GARIN2: variants seen among roughly 807,000 people sequenced by gnomAD.
The protein encoded by GARIN2 is Golgi-associated RAB2 interactor protein 2.
chr14:67,195,651 T>C, the GARIN2 span, among the ~76,000 whole-genome samples: 1 of 152,120 alleles, frequency 6.6e-6, no homozygotes, highest in Non-Finnish European at 1.5e-5. Context: ...ATATTATTAT[T>C]TTATGTGCCA....
the GARIN2 span, among the ~76,000 whole-genome samples, chr14:67,217,305 T>C: frequency 0.019 from 2,939 of 152,272 alleles, 40 homozygotes; most frequent in Middle Eastern, 0.034. Context: ...TCTTTACAGG[T>C]GAAGTAAGTT....
chr14:67,228,194 G>A, the GARIN2 span, among the ~76,000 whole-genome samples: 1 of 150,490 alleles, frequency 6.6e-6, no homozygotes, highest in Non-Finnish European at 1.5e-5. Flanking sequence ...AAGAAATTAA[G>A]TTTAATAATG....
At chr14:67,225,615 CT>C in the GARIN2 span, among the ~76,000 whole-genome samples, 2,997 of 152,180 alleles carry the variant, frequency 0.02, 40 homozygotes, top group Middle Eastern at 0.034. Flanking sequence ...ATCAAGACCT[CT>C]TTTTTTTCAT....
chr14:67,196,282 T>A, the GARIN2 span, among the ~76,000 whole-genome samples: 1 of 151,756 alleles, frequency 6.6e-6, no homozygotes, highest in African/African-American at 2.4e-5. Context: ...ATTGGCACAG[T>A]CTTGGCTCAC....
At chr14:67,224,663 C>A in the GARIN2 span, 1 of 319,458 alleles carries the variant, frequency 3.1e-6, no homozygotes, top group Non-Finnish European at 6.1e-6. Context: ...ATGGGCTTAT[C>A]TCTGATTCTT....
At chr14:67,213,378 T>C in the GARIN2 span, among the ~76,000 whole-genome samples, 2 of 133,416 alleles carry the variant, frequency 1.5e-5, no homozygotes, top group African/African-American at 2.8e-5. Context: ...TGTGTTCTCA[T>C]TGTTCAATTC....
At chr14:67,210,076 A>G in the GARIN2 span, among the ~76,000 whole-genome samples, 5 of 152,232 alleles carry the variant, frequency 3.3e-5, no homozygotes, top group African/African-American at 1.2e-4. Flanking sequence ...TGTCAATTCA[A>G]TTCACACCCC....
chr14:67,195,754 T>C, the GARIN2 span, among the ~76,000 whole-genome samples: 8 of 151,414 alleles, frequency 5.3e-5, no homozygotes, highest in African/African-American at 1.2e-4. Flanking sequence ...TGTGTGTGTG[T>C]GTGTTTTGAG....
At chr14:67,226,702 G>C in the GARIN2 span, among the ~76,000 whole-genome samples, 2 of 152,180 alleles carry the variant, frequency 1.3e-5, no homozygotes, top group Non-Finnish European at 2.9e-5. Context: ...GATGCACACT[G>C]TAGGTGAAAG....
the GARIN2 span, among the ~76,000 whole-genome samples, chr14:67,225,962 T>TGTGTGTGTGTGTGC: frequency 2.3e-3 from 266 of 113,478 alleles, no homozygotes; most frequent in Non-Finnish European, 2.8e-3. Context: ...TGTGTGTGTG[T>TGTGTGTGTGTGTGC]GCGCGCGCGC....
the GARIN2 span, among the ~76,000 whole-genome samples, chr14:67,212,976 C>T: frequency 6.6e-6 from 1 of 151,630 alleles, no homozygotes; most frequent in South Asian, 2.1e-4. Context: ...GAGTTGTTCT[C>T]AAAATGAGGA....
At chr14:67,199,471 C>T in the GARIN2 span, 2 of 1,612,956 alleles carry the variant, frequency 1.2e-6, no homozygotes, top group Non-Finnish European at 1.7e-6. Context: ...GGGACCCTGA[C>T]ACAGGCAACT....
At chr14:67,198,195 A>G in the GARIN2 span, 2 of 1,613,816 alleles carry the variant, frequency 1.2e-6, no homozygotes, top group Non-Finnish European at 1.7e-6. Context: ...TACCATGAGG[A>G]TCAATAAGCA....
chr14:67,227,616 T>C, the GARIN2 span: 475 of 152,206 alleles, frequency 3.1e-3, 2 homozygotes, highest in African/African-American at 0.011. Context: ...ACTGAAGTAA[T>C]GTGAAAGTTA....
At chr14:67,200,638 T>G in the GARIN2 span, 2 of 174,420 alleles carry the variant, frequency 1.1e-5, no homozygotes, top group Non-Finnish European at 2.4e-5. Flanking sequence ...CCACCTCCAG[T>G]ATACCATAGG....
the GARIN2 span, chr14:67,200,346 C>G: frequency 1.6e-6 from 1 of 642,534 alleles, no homozygotes; most frequent in East Asian, 3.1e-5. Context: ...TTTCCTTCCT[C>G]CTATTACATC....
chr14:67,200,921 A>G, the GARIN2 span, among the ~76,000 whole-genome samples: 4 of 152,208 alleles, frequency 2.6e-5, no homozygotes, highest in African/African-American at 9.7e-5. Flanking sequence ...ATATCCTTCA[A>G]GATGCACAAC....
At chr14:67,193,118 C>CTCTATATATCTCTATATAGACATCTA in the GARIN2 span, among the ~76,000 whole-genome samples, 1 of 138,314 alleles carries the variant, frequency 7.2e-6, no homozygotes, top group African/African-American at 2.6e-5. Flanking sequence ...ATAGATATCT[C>CTCTATATATCTCTATATAGACATCTA]TCTATATATC....
chr14:67,213,644 T>G, the GARIN2 span, among the ~76,000 whole-genome samples: 1 of 152,284 alleles, frequency 6.6e-6, no homozygotes, highest in South Asian at 2.1e-4. Flanking sequence ...TGTGTCTTTA[T>G]AGCAGCATGA....
Sources: gnomAD v4.1 joint callset for allele counts (sites outside exome capture counted in the v4.1 genomes callset) on GRCh38, gnomAD v4.1.1 for gene constraint, MANE v1.5 for transcripts, NCBI Gene and HGNC (gene_info 2026-07-23, HGNC 2026-07-21) for gene names.